The following TOX2 variants were observed in gnomAD, a reference collection of about 807,000 sequenced individuals.
TOX2 encodes TOX high mobility group box family member 2, also known as granulosa cell HMG box 1.
A neutral mutation model predicts 47.4 loss-of-function variants in TOX2; 15 were observed. The observed-to-expected ratio is 0.32, with a 90% CI of 0.21 to 0.49. The LOEUF is 0.49. Ranked by LOEUF, TOX2 falls within the 20% of genes least tolerant of loss-of-function variation. The probability of loss-of-function intolerance (pLI) is 0.99; values close to 1 mark genes in which losing one functional copy is unlikely to be tolerated. For synonymous variants in TOX2, 290 were observed against 296.6 expected (o/e 0.98, Z 0.23); for missense variants, 622 against 673.1 (o/e 0.92, Z 0.84).
Position 43,987,439 on chromosome 20 carries a change from C to T in TOX2, c.165+14007C>T, listed in dbSNP as rs543257803. Among the ~76,000 whole-genome samples, 13 of 152,250 alleles carry T rather than the reference C, an allele frequency of 8.5e-5. No individual in the cohort carries two copies. The South Asian group carries it at 1.0e-3, about 12-fold the overall frequency. ...AAGGTTTTCTCCCTTCCTTTGAGTGCTGTTTACACAAATCTGTTCACTTTA... is the reference window on the plus strand; with the variant it reads ...AAGGTTTTCTCCCTTCCTTTGAGTGTTGTTTACACAAATCTGTTCACTTTA... On this transcript the variant is annotated intron_variant, in intron 2 of 8. Transcript: ENST00000341197.
chr20:43,931,890 C>T (rs1042718887), intron 1 of TOX2, among the ~76,000 whole-genome samples: 2 of 152,146 alleles, frequency 1.3e-5, no homozygotes, highest in South Asian at 2.1e-4. Flanking sequence ...TTCGAGTACT[C>T]GCTAGCCACA....
intron 3 of TOX2, among the ~76,000 whole-genome samples, chr20:44,022,013 G>T (rs1037480649): frequency 6.6e-6 from 1 of 152,160 alleles, no homozygotes; most frequent in Non-Finnish European, 1.5e-5. Flanking sequence ...ATGTGGTAGG[G>T]AGCAGGCTCA....
In TOX2 at chr20:44,019,563, GCT is replaced by G. The variant is rs1369544643; in HGVS notation, c.411+12774_411+12775del. On this transcript the variant is annotated intron_variant, in intron 3 of 8. Coordinates refer to ENST00000341197, the MANE Select transcript of TOX2 (RefSeq NM_001098797.2). ...GGAGGGCAAAAGTGTTGGTTTAATG[GCT>G]CTGTCTCCAAACTCCTGGTAGCAAG... Among the ~76,000 whole-genome samples, 4 of 152,208 alleles carry G rather than the reference GCT, an allele frequency of 2.6e-5. No individual in the cohort carries two copies. The East Asian group carries it at 7.7e-4, about 29-fold the overall frequency.
chr20:43,982,417 T>G (rs929071700), intron 2 of TOX2, among the ~76,000 whole-genome samples: 1 of 152,068 alleles, frequency 6.6e-6, no homozygotes, highest in Non-Finnish European at 1.5e-5. Context: ...GAGACTAATG[T>G]AAAGGATCAG....
chr20:44,054,162 G>A, intron 4 of TOX2, 137 bp from the exon 5 acceptor site: 1 of 825,358 alleles, frequency 1.2e-6, no homozygotes, highest in Non-Finnish European at 2.0e-6. Flanking sequence ...TCTGTCCATT[G>A]CCCCCTCCAT....
At chr20:43,932,262 CT>C (rs1465458904) in intron 1 of TOX2, among the ~76,000 whole-genome samples, 1 of 152,194 alleles carries the variant, frequency 6.6e-6, no homozygotes. Flanking sequence ...AGCTTATTAC[CT>C]TCGGAACACC....
chr20:43,951,921 G>T (rs562065376), intron 1 of TOX2, among the ~76,000 whole-genome samples: 1 of 150,970 alleles, frequency 6.6e-6, no homozygotes, highest in African/African-American at 2.4e-5. Flanking sequence ...TTTTGAGGCC[G>T]AGTCTCGCTC....
At chr20:43,973,327 A>G (rs2145476811) in intron 1 of TOX2, 40 bp from the exon 2 acceptor site, 1 of 1,605,244 alleles carries the variant, frequency 6.2e-7, no homozygotes, top group South Asian at 1.1e-5. Flanking sequence ...TCCTGAGAGC[A>G]TTTTAATCAG....
At position 44,054,340 on chromosome 20, in the gene TOX2, G is replaced by A. The variant is rs761895673; in HGVS notation, c.693G>A (p.Lys231=). Reference sequence around the variant, plus strand: ...GACCTTCAGCCGACCCAGGAAAAAAGGCCAAGAACCCGAAGAAGAAGAAAA... The same window carrying A: ...GACCTTCAGCCGACCCAGGAAAAAAAGCCAAGAACCCGAAGAAGAAGAAAA... The part of the protein sequence containing the change: ...EKRPSADPGK[K]AKNPKKKKKK... Residue 231 remains lysine (K), a synonymous_variant, in exon 5 of 9, where the codon AAG becomes AAA. Coordinates refer to ENST00000341197, the MANE Select transcript of TOX2 (RefSeq NM_001098797.2). 5.6e-6 allele frequency: 9 copies of A among 1,612,758 alleles called. No homozygotes were observed. The South Asian group carries it at 7.7e-5, about 14-fold the overall frequency.
chr20:44,023,681 G>A (rs756187034), intron 3 of TOX2, among the ~76,000 whole-genome samples: 2 of 152,220 alleles, frequency 1.3e-5, no homozygotes, highest in African/African-American at 2.4e-5. Context: ...CCTGGGAGGC[G>A]CATGCTCAGG....
intron 3 of TOX2, among the ~76,000 whole-genome samples, chr20:44,013,417 A>C (rs79961719): frequency 0.013 from 1,930 of 152,168 alleles, 42 homozygotes; most frequent in African/African-American, 0.044. Context: ...ACATAGGAAT[A>C]CCCTCCCAAG....
At chr20:43,918,139 A>G (rs2069078053) in intron 1 of TOX2, among the ~76,000 whole-genome samples, 1 of 152,152 alleles carries the variant, frequency 6.6e-6, no homozygotes, top group Non-Finnish European at 1.5e-5. Flanking sequence ...TAGGGTAACT[A>G]TGAACTCCTG....
intron 1 of TOX2, among the ~76,000 whole-genome samples, chr20:43,931,813 G>A (rs188411942): frequency 1.0e-3 from 153 of 152,296 alleles, no homozygotes; most frequent in Admixed American, 4.0e-3. Context: ...CAGTAGCCGT[G>A]TGTGGCTCTT....
intron 3 of TOX2, among the ~76,000 whole-genome samples, chr20:44,042,659 T>A (rs1419725717): frequency 2.0e-5 from 3 of 152,194 alleles, no homozygotes; most frequent in African/African-American, 7.2e-5. Flanking sequence ...TTACCCACAT[T>A]AAAAACATCA....
intron 2 of TOX2, among the ~76,000 whole-genome samples, chr20:43,978,996 G>A (rs761584649): frequency 3.9e-5 from 6 of 152,136 alleles, no homozygotes; most frequent in Non-Finnish European, 8.8e-5. Context: ...TGACAGTGAT[G>A]GACATAGAGG....
At chr20:43,942,504 C>T (rs1325688796) in intron 1 of TOX2, among the ~76,000 whole-genome samples, 2 of 152,108 alleles carry the variant, frequency 1.3e-5, no homozygotes, top group African/African-American at 4.8e-5. Context: ...ATAGTGAGAC[C>T]CTATTTTTAC....
chr20:44,019,662 G>C (rs1410089294), intron 3 of TOX2, among the ~76,000 whole-genome samples: 1 of 152,198 alleles, frequency 6.6e-6, no homozygotes, highest in Non-Finnish European at 1.5e-5. Flanking sequence ...AGAGCTGTGG[G>C]ACTGGGATGC....
chr20:44,051,202 A>G, intron 3 of TOX2, 104 bp from the exon 4 acceptor site: 2 of 1,483,928 alleles, frequency 1.3e-6, no homozygotes, highest in Non-Finnish European at 1.8e-6. Flanking sequence ...AGCCGCACCC[A>G]TCACTTCTCC....
chr20:43,979,779 C>T (rs768713411), intron 2 of TOX2, among the ~76,000 whole-genome samples: 1 of 152,154 alleles, frequency 6.6e-6, no homozygotes, highest in Non-Finnish European at 1.5e-5. Context: ...TGAAAAGTTG[C>T]TCAATATCAC....
Sources: gnomAD v4.1 joint callset for allele counts (sites outside exome capture counted in the v4.1 genomes callset) on GRCh38, gnomAD v4.1.1 for gene constraint, MANE v1.5 for transcripts, NCBI Gene and HGNC (gene_info 2026-07-23, HGNC 2026-07-21) for gene names.